MAST4: variants seen among roughly 807,000 people sequenced by gnomAD.
MAST4 encodes microtubule-associated serine/threonine-protein kinase 4.
A neutral mutation model predicts 162.7 loss-of-function variants in MAST4; 89 were observed. The observed-to-expected ratio is 0.55, with a 90% CI of 0.46 to 0.65. MAST4 has a LOEUF of 0.65. Among genes scored for constraint, MAST4 ranks in the 30% least tolerant of loss-of-function variants. The probability of loss-of-function intolerance (pLI) is 0.00; values close to 1 mark genes in which losing one functional copy is unlikely to be tolerated. For missense variants in MAST4, 3,153 were observed against 3,374.0 expected, an observed-to-expected ratio of 0.93 and a Z score of 1.62; for synonymous variants, 1,479 against 1,361.1, an observed-to-expected ratio of 1.09 and a Z score of -1.91.
chr5:67,006,673 C>T (rs541043924), intron 4 of MAST4, among the ~76,000 whole-genome samples: 127 of 152,270 alleles, frequency 8.3e-4, no homozygotes, highest in African/African-American at 3.0e-3. Flanking sequence ...TTTCTTCTTC[C>T]TACCTACCTG....
Position 66,654,236 on chromosome 5 carries a change from T to A in MAST4, c.363+57218T>A, listed in dbSNP as rs146435758. On this transcript the variant is annotated intron_variant, in intron 1 of 28. Coordinates refer to ENST00000403625, the MANE Select transcript of MAST4 (RefSeq NM_001164664.2). ...AATGTCCTGATGCTAAAGTTTAGTG[T>A]CTGGGACATAGAAGTGGTACAGAAT... is the stretch of plus-strand genomic sequence containing the variant. Among the ~76,000 whole-genome samples the A allele has an allele frequency of 3.6e-4, 55 of 152,342 alleles. 1 individual carries two copies. The East Asian group carries it at 9.1e-3, about 25-fold the overall frequency.
At chr5:66,854,315 A>AT (rs1759522106) in intron 3 of MAST4, among the ~76,000 whole-genome samples, 1 of 152,214 alleles carries the variant, frequency 6.6e-6, no homozygotes, top group Non-Finnish European at 1.5e-5. Context: ...TAGTGTGTAT[A>AT]CTGGTTATCT....
At chr5:67,105,299 C>T (rs1427575044) in intron 10 of MAST4, among the ~76,000 whole-genome samples, 1 of 152,170 alleles carries the variant, frequency 6.6e-6, no homozygotes, top group Non-Finnish European at 1.5e-5. Context: ...CAAATTATGC[C>T]TTTGCAAACA....
At chr5:66,964,458 C>T (rs201512235) in intron 4 of MAST4, among the ~76,000 whole-genome samples, 5 of 151,960 alleles carry the variant, frequency 3.3e-5, no homozygotes, top group East Asian at 3.9e-4. Context: ...TGTATCTAAT[C>T]GGAAGACACA....
chr5:66,798,579 T>G (rs1349552898), intron 3 of MAST4, among the ~76,000 whole-genome samples: 2 of 152,218 alleles, frequency 1.3e-5, no homozygotes, highest in Non-Finnish European at 2.9e-5. Flanking sequence ...TGGCGTATGT[T>G]CTAGACAGTC....
chr5:67,003,660 TACAA>T (rs2150323699), intron 4 of MAST4, among the ~76,000 whole-genome samples: 1 of 152,344 alleles, frequency 6.6e-6, no homozygotes, highest in Admixed American at 6.5e-5. Flanking sequence ...ATGTACTTTA[TACAA>T]ACATTCATGG....
intron 3 of MAST4, among the ~76,000 whole-genome samples, chr5:66,884,795 C>T (rs2149920647): frequency 6.6e-6 from 1 of 152,342 alleles, no homozygotes. Flanking sequence ...CAATATATTA[C>T]CTTTCTTTCC....
chr5:66,816,814 A>G (rs1011017976), intron 3 of MAST4, among the ~76,000 whole-genome samples: 1 of 152,148 alleles, frequency 6.6e-6, no homozygotes, highest in Non-Finnish European at 1.5e-5. Flanking sequence ...ACTTGTCTGC[A>G]CTTTGGGATC....
chr5:66,661,546 G>A (rs150424583), intron 1 of MAST4, among the ~76,000 whole-genome samples: 104 of 152,232 alleles, frequency 6.8e-4, no homozygotes, highest in African/African-American at 2.5e-3. Flanking sequence ...CTCTGAACTT[G>A]GCTAATGAGA....
intron 5 of MAST4, among the ~76,000 whole-genome samples, chr5:67,068,543 A>C (rs1368514271): frequency 1.3e-5 from 2 of 152,118 alleles, no homozygotes; most frequent in Non-Finnish European, 2.9e-5. Flanking sequence ...CCCTCCCACA[A>C]CATGTGGGGA....
chr5:66,665,334 T>G (rs1394172263), intron 1 of MAST4, among the ~76,000 whole-genome samples: 1 of 152,178 alleles, frequency 6.6e-6, no homozygotes, highest in Non-Finnish European at 1.5e-5. Context: ...GCTATGTCTT[T>G]TAGCGGCTAA....
intron 1 of MAST4, among the ~76,000 whole-genome samples, chr5:66,655,050 A>C (rs933666534): frequency 6.6e-6 from 1 of 152,174 alleles, no homozygotes; most frequent in African/African-American, 2.4e-5. Context: ...ACATTGAGCT[A>C]AATGTTTTGC....
In MAST4 at chr5:66,756,570, C is replaced by T. The variant is rs552761754; in HGVS notation, c.364-3139C>T. 1.8e-4 allele frequency among the ~76,000 whole-genome samples: 28 copies of T among 152,266 alleles called. No individual in the cohort carries two copies. In the South Asian group the frequency reaches 4.6e-3, roughly 25 times the overall value. On this transcript the variant is annotated intron_variant, in intron 1 of 28. Transcript: ENST00000403625. Reference sequence around the variant, plus strand: ...CATTAAAATGGAATCATTTAAAGGACGAAGTCCAAAGTGACATGTTTGATG... The same window carrying T: ...CATTAAAATGGAATCATTTAAAGGATGAAGTCCAAAGTGACATGTTTGATG...
chr5:67,148,534 C>T (rs145906976), intron 23 of MAST4, among the ~76,000 whole-genome samples: 2,011 of 152,244 alleles, frequency 0.013, 21 homozygotes, highest in Non-Finnish European at 0.017. Context: ...TCCTCTCTTA[C>T]GCTCCGTTGT....
intron 3 of MAST4, among the ~76,000 whole-genome samples, chr5:66,821,815 G>A (rs989492260): frequency 6.6e-6 from 1 of 152,146 alleles, no homozygotes; most frequent in South Asian, 2.1e-4. Context: ...TTCAGGGCAG[G>A]ATCCTTGAAG....
chr5:66,764,462 T>C (rs934644122), intron 2 of MAST4, among the ~76,000 whole-genome samples: 13 of 152,130 alleles, frequency 8.5e-5, no homozygotes, highest in Admixed American at 4.6e-4. Context: ...GGTACAGTCA[T>C]GTGCCACATA....
chr5:66,615,808 CAAAG>C (rs1743637868), intron 1 of MAST4, among the ~76,000 whole-genome samples: 1 of 152,086 alleles, frequency 6.6e-6, no homozygotes, highest in Admixed American at 6.6e-5. Flanking sequence ...ATCCTTGACT[CAAAG>C]AAAGAAAAAG....
At chr5:66,721,391 AGGCCT>A (rs1320374102) in intron 1 of MAST4, among the ~76,000 whole-genome samples, 383 of 152,196 alleles carry the variant, frequency 2.5e-3, no homozygotes, top group Middle Eastern at 0.017. Context: ...GTCAATTCTC[AGGCCT>A]CATCTGGCAT....
intron 3 of MAST4, among the ~76,000 whole-genome samples, chr5:66,873,349 T>C (rs1761076373): frequency 6.6e-6 from 1 of 152,196 alleles, no homozygotes; most frequent in South Asian, 2.1e-4. Flanking sequence ...GTGACCTTTC[T>C]TTATAAGCAC....
Sources: gnomAD v4.1 joint callset for allele counts (sites outside exome capture counted in the v4.1 genomes callset) on GRCh38, gnomAD v4.1.1 for gene constraint, MANE v1.5 for transcripts, NCBI Gene and HGNC (gene_info 2026-07-23, HGNC 2026-07-21) for gene names.